Variants in WDFY4 observed in about 807,000 individuals in gnomAD.
The protein encoded by WDFY4 is WDFY family member 4, also known as WD repeat- and FYVE domain-containing protein 4.
WDFY4 carries 169 observed loss-of-function variants against 351.9 expected under a neutral mutation model. The observed-to-expected ratio is 0.48, with a 90% CI of 0.42 to 0.55. The LOEUF is 0.55. Among genes scored for constraint, WDFY4 ranks in the 20% least tolerant of loss-of-function variants. WDFY4 has a pLI of 0.00. For synonymous variants in WDFY4, 1,622 were observed against 1,574.6 expected, an observed-to-expected ratio of 1.03 and a Z score of -0.71; for missense variants, 3,803 against 3,935.6, an observed-to-expected ratio of 0.97 and a Z score of 0.90.
chr10:48,694,824 C>T (rs569259521), intron 1 of WDFY4, among the ~76,000 whole-genome samples: 38 of 152,252 alleles, frequency 2.5e-4, no homozygotes, highest in African/African-American at 4.3e-4. Flanking sequence ...CTTCAGTGTC[C>T]ACCACTGGCA....
intron 43 of WDFY4, among the ~76,000 whole-genome samples, chr10:48,879,436 G>T (rs547513351): frequency 6.6e-6 from 1 of 152,314 alleles, no homozygotes; most frequent in African/African-American, 2.4e-5. Context: ...CTGATTATGT[G>T]GTGTCTCCAT....
chr10:48,739,242 C>T (rs2064773798), intron 11 of WDFY4, among the ~76,000 whole-genome samples: 1 of 152,196 alleles, frequency 6.6e-6, no homozygotes, highest in Admixed American at 6.5e-5. Flanking sequence ...TAGCGCTTTA[C>T]AGCAGACATC....
chr10:48,957,381 C>T (rs2133823248), intron 52 of WDFY4, 99 bp downstream of exon 52: 3 of 1,429,098 alleles, frequency 2.1e-6, no homozygotes, highest in African/African-American at 1.4e-5. Flanking sequence ...CTTTGCTAGG[C>T]CCTCCCCAGG....
chr10:48,928,192 T>C (rs1839735565), intron 47 of WDFY4, among the ~76,000 whole-genome samples: 2 of 152,206 alleles, frequency 1.3e-5, no homozygotes, highest in South Asian at 2.1e-4. Flanking sequence ...GCTTTGGCTG[T>C]AGTGGGTGTG....
chr10:48,918,940 G>C (rs1838799816), intron 47 of WDFY4, among the ~76,000 whole-genome samples: 1 of 152,178 alleles, frequency 6.6e-6, no homozygotes, highest in Admixed American at 6.5e-5. Flanking sequence ...AGAACTGCTA[G>C]TATAGAATAA....
At chr10:48,726,166 T>C in intron 6 of WDFY4, 96 bp downstream of exon 6, 1 of 1,367,434 alleles carries the variant, frequency 7.3e-7, no homozygotes, top group South Asian at 1.5e-5. Context: ...ACAATGAGAC[T>C]TGGGATGCTC....
At chr10:48,760,021 A>C (rs1285179552) in intron 12 of WDFY4, among the ~76,000 whole-genome samples, 1 of 151,972 alleles carries the variant, frequency 6.6e-6, no homozygotes, top group Non-Finnish European at 1.5e-5. Context: ...TTCAATATGA[A>C]ACCAGAGCTT....
At chr10:48,839,047 T>C (rs1170345121) in intron 39 of WDFY4, among the ~76,000 whole-genome samples, 1 of 152,218 alleles carries the variant, frequency 6.6e-6, no homozygotes, top group East Asian at 1.9e-4. Flanking sequence ...GCTTTCTAGT[T>C]AAACGCTTGG....
In WDFY4 at chr10:48,830,842, G is replaced by T; in HGVS notation, c.6483G>T (p.Pro2161=). Residue 2161 remains proline, a synonymous_variant, in exon 38 of 62, where the codon CCG becomes CCT. Transcript: ENST00000325239. Reference sequence around the variant, plus strand: ...AAGTGAAGATTGAAGAGGTCACACCGCTCTGGGAGGAGACGATGCTCAAGG... The same window carrying T: ...AAGTGAAGATTGAAGAGGTCACACCTCTCTGGGAGGAGACGATGCTCAAGG... ...EREVKIEEVT[P]LWEETMLKAW... 6.4e-7 allele frequency: 1 copy of T among 1,551,556 alleles called. No homozygotes were observed. The highest frequency in any genetic ancestry group is 8.7e-7 in the Non-Finnish European group (1 of 1,146,924).
intron 51 of WDFY4, among the ~76,000 whole-genome samples, chr10:48,954,203 G>A (rs1427997643): frequency 1.3e-5 from 2 of 152,188 alleles, no homozygotes; most frequent in Non-Finnish European, 2.9e-5. Flanking sequence ...TTACATGTGA[G>A]TGATGTCTTA....
Position 48,873,600 on chromosome 10 carries a change from C to G in WDFY4, c.6851C>G (p.Ser2284Cys), listed in dbSNP as rs993348450. 4 of 1,551,782 alleles carry G rather than the reference C, an allele frequency of 2.6e-6. No homozygotes were observed. The highest frequency in any genetic ancestry group is 1.2e-5 in the South Asian group (1 of 84,060). Residue 2284 changes from serine (S) to cysteine (C), a missense_variant, in exon 41 of 62, where the codon TCC (serine) becomes TGC (cysteine). Ser to Cys is a moderately radical substitution (Grantham distance 112). Coordinates refer to ENST00000325239, the MANE Select transcript of WDFY4 (RefSeq NM_001394531.1). ...CAGGGGGAAGAAACCAAGCCCTGTTCCCCATGGGAACTCGACTGGAGAGAA... is the reference window on the plus strand; with the variant it reads ...CAGGGGGAAGAAACCAAGCCCTGTTGCCCATGGGAACTCGACTGGAGAGAA... ...WSQGEETKPC[S>C]PWELDWREGP...
chr10:48,778,284 T>C (rs1164943484), intron 17 of WDFY4, among the ~76,000 whole-genome samples: 1 of 152,266 alleles, frequency 6.6e-6, no homozygotes, highest in Non-Finnish European at 1.5e-5. Context: ...TGTTATGTGA[T>C]GGGAGGGCAC....
intron 43 of WDFY4, among the ~76,000 whole-genome samples, chr10:48,888,760 C>G (rs531423758): frequency 6.6e-6 from 1 of 152,212 alleles, no homozygotes; most frequent in Non-Finnish European, 1.5e-5. Context: ...CCAAGCTTTT[C>G]CAGAACTTAC....
At chr10:48,795,400 A>C (rs2066822535) in intron 23 of WDFY4, among the ~76,000 whole-genome samples, 1 of 150,378 alleles carries the variant, frequency 6.6e-6, no homozygotes, top group Non-Finnish European at 1.5e-5. Context: ...GTTTGATGTA[A>C]AGTGAAGCCA....
At chr10:48,943,024 T>A (rs1327077584) in intron 48 of WDFY4, among the ~76,000 whole-genome samples, 1 of 152,158 alleles carries the variant, frequency 6.6e-6, no homozygotes, top group Non-Finnish European at 1.5e-5. Flanking sequence ...ATGATTTTAG[T>A]CAACTTCTGA....
intron 28 of WDFY4, among the ~76,000 whole-genome samples, chr10:48,810,153 ATG>A (rs2132911921): frequency 6.6e-6 from 1 of 152,316 alleles, no homozygotes; most frequent in Admixed American, 6.5e-5. Context: ...AATATTCATT[ATG>A]TGTTTTATGT....
At chr10:48,760,561 C>T (rs917070967) in intron 13 of WDFY4, 121 bp downstream of exon 13, 1 of 951,426 alleles carries the variant, frequency 1.1e-6, no homozygotes, top group Non-Finnish European at 1.6e-6. Context: ...GTTAGCAGAG[C>T]TCCCCATGGG....
intron 1 of WDFY4, among the ~76,000 whole-genome samples, chr10:48,691,424 C>A (rs2063192786): frequency 6.6e-6 from 1 of 152,180 alleles, no homozygotes; most frequent in Non-Finnish European, 1.5e-5. Flanking sequence ...CACTGGCACC[C>A]CTCTCTGCCT....
At chr10:48,797,022 C>T (rs1474084624) in intron 24 of WDFY4, among the ~76,000 whole-genome samples, 1 of 152,182 alleles carries the variant, frequency 6.6e-6, no homozygotes, top group African/African-American at 2.4e-5. Flanking sequence ...CCCTTCCCCA[C>T]AGCCAGATGG....
Sources: allele counts gnomAD v4.1 joint callset (sites outside exome capture counted in the v4.1 genomes callset), GRCh38; gene constraint gnomAD v4.1.1; transcripts MANE v1.5; gene names NCBI Gene and HGNC (gene_info 2026-07-23, HGNC 2026-07-21).